The following GABRG1 variants were observed in gnomAD, a reference collection of about 807,000 sequenced individuals.
GABRG1 encodes gamma-aminobutyric acid receptor subunit gamma-1.
In GABRG1, 49 loss-of-function variants were observed where a neutral mutation model predicts 49.8. The ratio of observed to expected loss-of-function variants is 0.98; its 90% CI spans 0.78 to 1.25. The LOEUF is 1.25. GABRG1 is among the 50% of genes most tolerant of loss of function. The pLI, the probability that GABRG1 is intolerant of heterozygous loss-of-function variation, is 0.00. For missense variants in GABRG1, 552 were observed against 552.3 expected, an observed-to-expected ratio of 1.00 and a Z score of 0.01; for synonymous variants, 232 against 185.1, an observed-to-expected ratio of 1.25 and a Z score of -2.06.
chr4:46,038,148 C>T lies in GABRG1; in HGVS notation c.*2840G>A, dbSNP rs1194829281. 1 of 151,662 alleles carries T rather than the reference C, an allele frequency of 6.6e-6. No homozygotes were observed. Among genetic ancestry groups the T allele is most frequent in the Non-Finnish European group, 1.5e-5 (1 of 67,712 alleles). The allele number at this position is 151,662 out of a possible 1,614,324, so 9.4% of individuals were successfully genotyped here. A position where few individuals can be genotyped will look rare whatever the true frequency, so the allele number is the denominator to read the frequency against. On this transcript the variant is annotated 3_prime_UTR_variant, in exon 9 of 9. Transcript: ENST00000295452. ...TTCCCACTTACATCAAGACTTCAGA[C>T]TTACTGGGAAATTTTTCCCTGTCCC...
chr4:46,076,836 C>G (rs1308303252), intron 3 of GABRG1, among the ~76,000 whole-genome samples: 1 of 151,642 alleles, frequency 6.6e-6, no homozygotes, highest in African/African-American at 2.4e-5. Context: ...AATTTGTTTT[C>G]TAGGCATTCA....
At chr4:46,113,140 C>T (rs997550712) in intron 1 of GABRG1, among the ~76,000 whole-genome samples, 9 of 150,944 alleles carry the variant, frequency 6.0e-5, no homozygotes, top group Admixed American at 2.0e-4. Context: ...ACCTCCTTGC[C>T]CGGCTTATTT....
intron 8 of GABRG1, among the ~76,000 whole-genome samples, chr4:46,048,029 G>T (rs1718069637): frequency 1.3e-5 from 2 of 152,122 alleles, no homozygotes; most frequent in South Asian, 4.1e-4. Flanking sequence ...GGCCCCTGAA[G>T]TAGGTACAAC....
chr4:46,088,738 TACACACACACAC>T (rs3069480), intron 2 of GABRG1, among the ~76,000 whole-genome samples: 4 of 142,810 alleles, frequency 2.8e-5, no homozygotes, highest in South Asian at 2.3e-4. Flanking sequence ...CACTATAAAA[TACACACACACAC>T]ACACACACAC....
chr4:46,071,704 T>C, intron 3 of GABRG1, among the ~76,000 whole-genome samples: 1 of 151,634 alleles, frequency 6.6e-6, no homozygotes, highest in Non-Finnish European at 1.5e-5. Flanking sequence ...GATTTTTAGT[T>C]TTTAACAAAA....
At chr4:46,080,938 A>G (rs1183168426) in intron 3 of GABRG1, among the ~76,000 whole-genome samples, 1 of 151,860 alleles carries the variant, frequency 6.6e-6, no homozygotes, top group African/African-American at 2.4e-5. Flanking sequence ...GCATATTGTT[A>G]AAAATGCACC....
At chr4:46,120,495 C>T (rs75026863) in intron 1 of GABRG1, among the ~76,000 whole-genome samples, 5,426 of 151,616 alleles carry the variant, frequency 0.036, 214 homozygotes, top group African/African-American at 0.097. Context: ...TTATCAATTA[C>T]GACATTTGCA....
chr4:46,047,630 A>G (rs1037643955), intron 8 of GABRG1, among the ~76,000 whole-genome samples: 19 of 152,110 alleles, frequency 1.2e-4, no homozygotes, highest in East Asian at 1.2e-3. Context: ...AGTTCCTTTA[A>G]AAATACATTT....
chr4:46,099,683 A>T (rs981161986), intron 1 of GABRG1, among the ~76,000 whole-genome samples: 2 of 151,720 alleles, frequency 1.3e-5, no homozygotes, highest in African/African-American at 4.8e-5. Flanking sequence ...CTGCCAAAAC[A>T]ATTCTGGCCC....
At chr4:46,123,764 A>G (rs777054262) in intron 1 of GABRG1, 46 bp downstream of exon 1, 3 of 1,341,942 alleles carry the variant, frequency 2.2e-6, no homozygotes, top group South Asian at 2.4e-5. Flanking sequence ...ATAAGGGGAA[A>G]GGGGTAGATA....
intron 1 of GABRG1, among the ~76,000 whole-genome samples, chr4:46,103,500 T>C (rs558512658): frequency 1.3e-5 from 2 of 151,550 alleles, no homozygotes; most frequent in Non-Finnish European, 3.0e-5. Flanking sequence ...GTTATTCATA[T>C]TGTTACCATT....
At position 46,036,163 on chromosome 4, in the gene GABRG1, C is replaced by A. The variant is rs1164788764; in HGVS notation, c.*4825G>T. ...GTTTCATTGTCCAACAATAACAATT[C>A]TTTTATTTATTCTGACATAAATATT... On this transcript the variant is annotated 3_prime_UTR_variant, in exon 9 of 9. Transcript: ENST00000295452. 1.3e-5 allele frequency: 2 copies of A among 151,748 alleles called. No homozygotes were observed. Among genetic ancestry groups the A allele is most frequent in the Non-Finnish European group, 2.9e-5 (2 of 67,832 alleles). The allele number at this position is 151,748 out of a possible 1,614,324, so 9.4% of individuals were successfully genotyped here.
intron 2 of GABRG1, among the ~76,000 whole-genome samples, chr4:46,089,843 G>A (rs1194147583): frequency 6.6e-6 from 1 of 151,944 alleles, no homozygotes; most frequent in African/African-American, 2.4e-5. Context: ...CACGCTTGTA[G>A]TACCAATTAC....
rs1482819844 is a variant in GABRG1 at position 46,039,604 on chromosome 4, C to T, written c.*1384G>A. 1.3e-5 allele frequency: 2 copies of T among 151,638 alleles called. No homozygotes were observed. The highest frequency in any genetic ancestry group is 2.4e-5 in the African/African-American group (1 of 41,346). 9.4% of individuals were successfully genotyped at this position (151,638 alleles called of 1,614,324 possible). A position where few individuals can be genotyped will look rare whatever the true frequency, so the allele number is the denominator to read the frequency against. On this transcript the variant is annotated 3_prime_UTR_variant, in exon 9 of 9. Transcript: ENST00000295452. ...TTTAAAGGTTATTTCCAAGCTAAAC[C>T]TGGTGGTTCTCCAGAAATTTATGTG...
chr4:46,090,452 C>G (rs982026051), intron 2 of GABRG1, among the ~76,000 whole-genome samples: 5 of 151,708 alleles, frequency 3.3e-5, no homozygotes, highest in South Asian at 2.1e-4. Context: ...TTAAGAGAAC[C>G]TAGTTTATAT....
In GABRG1 at chr4:46,058,517, C is replaced by T. The variant is rs769209641; in HGVS notation, c.731G>A (p.Arg244Gln). ...CGTGTGAGTGATTTCAGTTGAGTTCCGTAACCCTACAAATGCAAACTGATA... is the reference window on the plus strand; with the variant it reads ...CGTGTGAGTGATTTCAGTTGAGTTCTGTAACCCTACAAATGCAAACTGATA... ...RLYQFAFVGL[R>Q]NSTEITHTIS... is the part of the protein sequence containing the mutation. Residue 244 changes from arginine to glutamine, a missense_variant, in exon 6 of 9, where the codon CGG becomes CAG. Coordinates refer to ENST00000295452, the MANE Select transcript of GABRG1 (RefSeq NM_173536.4). The T allele has an allele frequency of 6.8e-6, 11 of 1,613,012 alleles. No individual in the cohort carries two copies. The highest frequency in any genetic ancestry group is 1.1e-5 in the South Asian group (1 of 91,010).
intron 8 of GABRG1, among the ~76,000 whole-genome samples, chr4:46,044,467 T>C (rs1339848363): frequency 6.6e-6 from 1 of 152,000 alleles, no homozygotes; most frequent in African/African-American, 2.4e-5. Flanking sequence ...GGTGATGGAG[T>C]GAAACTTTGT....
chr4:46,052,328 T>C (rs1394514573), intron 7 of GABRG1, among the ~76,000 whole-genome samples: 1 of 151,834 alleles, frequency 6.6e-6, no homozygotes, highest in Non-Finnish European at 1.5e-5. Flanking sequence ...CCACCATACA[T>C]ATACAGTCAA....
At chr4:46,106,354 A>G (rs1284973856) in intron 1 of GABRG1, among the ~76,000 whole-genome samples, 1 of 151,466 alleles carries the variant, frequency 6.6e-6, no homozygotes, top group African/African-American at 2.4e-5. Context: ...GGGATACCCC[A>G]TAATTAGTCA....
Sources: allele counts gnomAD v4.1 joint callset (sites outside exome capture counted in the v4.1 genomes callset), GRCh38; gene constraint gnomAD v4.1.1; transcripts MANE v1.5; gene names NCBI Gene and HGNC (gene_info 2026-07-23, HGNC 2026-07-21).